GALNT2: variants seen among roughly 807,000 people sequenced by gnomAD.
GALNT2 encodes UDP-GalNAc:polypeptide N-acetylgalactosaminyltransferase 2.
GALNT2 carries 31 observed loss-of-function variants against 81.4 expected under a neutral mutation model. The ratio of observed to expected loss-of-function variants is 0.38; its 90% CI spans 0.29 to 0.51. GALNT2 has a LOEUF of 0.51. Ranked by LOEUF, GALNT2 falls within the 20% of genes least tolerant of loss-of-function variation. The probability of loss-of-function intolerance (pLI) is 0.87; values close to 1 mark genes in which losing one functional copy is unlikely to be tolerated. For synonymous variants in GALNT2, 303 were observed against 287.4 expected, an observed-to-expected ratio of 1.05 and a Z score of -0.55; for missense variants, 629 against 765.7, an observed-to-expected ratio of 0.82 and a Z score of 2.11.
At chr1:230,125,796 ACT>A (rs1319296214) in intron 1 of GALNT2, among the ~76,000 whole-genome samples, 1 of 152,148 alleles carries the variant, frequency 6.6e-6, no homozygotes, top group African/African-American at 2.4e-5. Flanking sequence ...GAAAAGCTGA[ACT>A]CTCTTAAAAC....
chr1:230,101,318 C>T (rs1660396270), intron 1 of GALNT2, among the ~76,000 whole-genome samples: 2 of 152,172 alleles, frequency 1.3e-5, no homozygotes, highest in African/African-American at 4.8e-5. Flanking sequence ...AAATGTTAAA[C>T]AAGCATCTTC....
chr1:230,131,439 C>T (rs1661363698), intron 1 of GALNT2, among the ~76,000 whole-genome samples: 2 of 152,166 alleles, frequency 1.3e-5, no homozygotes, highest in Non-Finnish European at 2.9e-5. Context: ...TGAGACATCC[C>T]ACCTTTCTAG....
intron 3 of GALNT2, among the ~76,000 whole-genome samples, chr1:230,228,322 G>T (rs1558149985): frequency 6.6e-6 from 1 of 151,952 alleles, no homozygotes. Flanking sequence ...AAAGCAAATG[G>T]TCACAAATAT....
rs1343640894 is a variant in GALNT2 at position 230,243,616 on chromosome 1, T to C, written c.729+189T>C. ...TTGGGGCATTGTAGAAAGACTGTTT[T>C]ACTGGCTGTAGGAATCCATCAGTAG... is the stretch of plus-strand genomic sequence containing the variant. On this transcript the variant is annotated intron_variant, in intron 7 of 15. Transcript: ENST00000366672. This position sits in a 1 kb window ranked among gnomAD's most constrained non-coding sequence, Gnocchi z 4.2. 2.0e-5 allele frequency among the ~76,000 whole-genome samples: 3 copies of C among 152,222 alleles called. No individual in the cohort carries two copies. The highest frequency in any genetic ancestry group is 4.4e-5 in the Non-Finnish European group (3 of 68,040).
chr1:230,204,750 A>G (rs887925744), intron 3 of GALNT2, among the ~76,000 whole-genome samples: 1 of 152,180 alleles, frequency 6.6e-6, no homozygotes, highest in East Asian at 1.9e-4. Context: ...TGCTTGGTAT[A>G]TCTTCCTGCT....
intron 2 of GALNT2, among the ~76,000 whole-genome samples, chr1:230,191,372 G>C (rs978714194): frequency 5.9e-5 from 9 of 152,210 alleles, no homozygotes; most frequent in African/African-American, 2.2e-4. Context: ...TGTTTTTACA[G>C]AAGGGCTTCC....
At position 230,249,086 on chromosome 1, in the gene GALNT2, G is replaced by C. The variant is rs1665461940; in HGVS notation, c.818-98G>C. 6 of 1,224,228 alleles carry C rather than the reference G, an allele frequency of 4.9e-6. No individual in the cohort carries two copies. In the East Asian group the frequency reaches 1.2e-4, roughly 24 times the overall value. The allele number at this position is 1,224,228 out of a possible 1,614,324, so 75.8% of individuals were successfully genotyped here. On this transcript the variant is annotated intron_variant, in intron 8 of 15. Coordinates refer to ENST00000366672, the MANE Select transcript of GALNT2 (RefSeq NM_004481.5). ...TTTGTTTTGGTTTTCATTGAGTTCT[G>C]TCCAAACATCGAATATTTTTAAGCT... is the stretch of plus-strand genomic sequence containing the variant.
rs536712348 is a variant in GALNT2 at position 230,142,598 on chromosome 1, G to A, written c.127-35620G>A. The stretch of plus-strand genomic sequence containing the variant: ...TAATATAATTAAATATACCTAGTAC[G>A]TGCATAGTAAGCACCATTTAAGTGT... On this transcript the variant is annotated intron_variant, in intron 1 of 15. Transcript: ENST00000366672. Among the ~76,000 whole-genome samples the A allele has an allele frequency of 7.2e-5, 11 of 152,236 alleles. No individual in the cohort carries two copies. The East Asian group carries it at 1.5e-3, about 21-fold the overall frequency.
At chr1:230,246,001 T>C in intron 7 of GALNT2, 62 bp from the exon 8 acceptor site, 3 of 1,354,982 alleles carry the variant, frequency 2.2e-6, no homozygotes, top group East Asian at 2.3e-5. Context: ...ATGCCTTCTG[T>C]GGTTGGGCAG....
At chr1:230,190,662 C>T (rs534423700) in intron 2 of GALNT2, among the ~76,000 whole-genome samples, 6 of 152,246 alleles carry the variant, frequency 3.9e-5, no homozygotes, top group Admixed American at 2.0e-4. Flanking sequence ...TCTCCTGAAA[C>T]GGGGCCTTTT....
At position 230,228,982 on chromosome 1, in the gene GALNT2, A is replaced by G. The variant is rs140965039; in HGVS notation, c.375-7032A>G. The stretch of plus-strand genomic sequence containing the variant: ...TAATCCTTCAATATTTATGAAGGAT[A>G]TATAACCTGTTATAACCTGTTAAAA... On this transcript the variant is annotated intron_variant, in intron 3 of 15. Coordinates refer to ENST00000366672, the MANE Select transcript of GALNT2 (RefSeq NM_004481.5). 3.0e-3 allele frequency among the ~76,000 whole-genome samples: 456 copies of G among 152,370 alleles called. 1 individual carries two copies. Among genetic ancestry groups the G allele is most frequent in the Non-Finnish European group, 5.1e-3 (349 of 68,042 alleles).
At chr1:230,256,673 A>G (rs1047485403) in intron 11 of GALNT2, among the ~76,000 whole-genome samples, 1 of 152,198 alleles carries the variant, frequency 6.6e-6, no homozygotes, top group African/African-American at 2.4e-5. Context: ...CGAAAGTAAA[A>G]TAGCAAATAG....
intron 12 of GALNT2, 119 bp from the exon 13 acceptor site, chr1:230,262,803 G>C (rs1665918809): frequency 7.8e-7 from 1 of 1,285,066 alleles, no homozygotes; most frequent in African/African-American, 1.5e-5. Flanking sequence ...AGGAGCATGG[G>C]CAGTCCACAC....
chr1:230,223,220 T>C (rs1455726043), intron 3 of GALNT2, among the ~76,000 whole-genome samples: 1 of 150,294 alleles, frequency 6.7e-6, no homozygotes, highest in Non-Finnish European at 1.5e-5. Context: ...AGAGATGGGC[T>C]CTCACTGTGT....
Position 230,258,618 on chromosome 1 carries a change from T to G in GALNT2, c.1136+3274T>G, listed in dbSNP as rs189578751. On this transcript the variant is annotated intron_variant, in intron 11 of 15. Coordinates refer to ENST00000366672, the MANE Select transcript of GALNT2 (RefSeq NM_004481.5). ...AGGGAATCTGATTTCTGAGAAAACT[T>G]TAATAGAAGGCAAAATAACAAGTAA... 5.9e-5 allele frequency: 9 copies of G among 152,276 alleles called. No individual in the cohort carries two copies. In the East Asian group the frequency reaches 1.7e-3, roughly 29 times the overall value. 9.4% of individuals were successfully genotyped at this position (152,276 alleles called of 1,614,324 possible).
intron 1 of GALNT2, among the ~76,000 whole-genome samples, chr1:230,138,663 T>G (rs1408337300): frequency 3.3e-5 from 5 of 152,094 alleles, no homozygotes; most frequent in Non-Finnish European, 7.4e-5. Context: ...TTTTTATGAG[T>G]TTCGTGGGAA....
At chr1:230,185,266 G>A (rs891601844) in intron 2 of GALNT2, among the ~76,000 whole-genome samples, 9 of 114,880 alleles carry the variant, frequency 7.8e-5, no homozygotes, top group African/African-American at 1.8e-4. Context: ...TAAACTGTGC[G>A]TGCGTGCGTG....
chr1:230,227,499 T>C (rs1312365270), intron 3 of GALNT2, among the ~76,000 whole-genome samples: 1 of 149,846 alleles, frequency 6.7e-6, no homozygotes, highest in Non-Finnish European at 1.5e-5. Flanking sequence ...CTATATATGC[T>C]ATATAATACA....
rs550991034 is a variant in GALNT2, at chr1:230,232,430, G to T, written c.375-3584G>T. On this transcript the variant is annotated intron_variant, in intron 3 of 15. Coordinates refer to ENST00000366672, the MANE Select transcript of GALNT2 (RefSeq NM_004481.5). ...AGACTTTCAAATGCTCCTGGGAGAT[G>T]AGGCTTCCTGCAGAGAAAAGGAAAC... is the stretch of plus-strand genomic sequence containing the variant. Among the ~76,000 whole-genome samples the T allele has an allele frequency of 2.6e-4, 39 of 152,292 alleles. 1 individual carries two copies. The highest frequency in any genetic ancestry group is 2.1e-3 in the Admixed American group (32 of 15,298).
Sources: gnomAD v4.1 joint callset for allele counts (sites outside exome capture counted in the v4.1 genomes callset) on GRCh38, gnomAD v4.1.1 for gene constraint, Gnocchi (gnomAD v3.1) non-coding constraint, MANE v1.5 for transcripts, NCBI Gene and HGNC (gene_info 2026-07-23, HGNC 2026-07-21) for gene names.